The following COQ6 variants were observed in gnomAD, a reference collection of about 807,000 sequenced individuals.
COQ6 encodes the protein coenzyme Q6, monooxygenase.
A neutral mutation model predicts 55.5 loss-of-function variants in COQ6; 45 were observed. The ratio of observed to expected loss-of-function variants is 0.81; its 90% CI spans 0.64 to 1.04. The LOEUF is 1.04. COQ6 is among the 50% of genes least tolerant of loss of function. The pLI is 0.00. For missense variants in COQ6, 550 were observed against 601.3 expected (o/e 0.91, Z 0.89); for synonymous variants, 206 against 230.5 (o/e 0.89, Z 0.96).
In COQ6 at chr14:73,955,821, C is replaced by G; in HGVS notation, c.374C>G (p.Ser125Ter). The G allele has an allele frequency of 6.2e-7, 1 of 1,614,112 alleles. No homozygotes were observed. The highest frequency in any genetic ancestry group is 8.5e-7 in the Non-Finnish European group (1 of 1,180,004). ...TGTTTCCAGGTGTGGGACGCCTGCTCAGAGGCCCTGATAATGTTTGATAAG... is the reference window on the plus strand; with the variant it reads ...TGTTTCCAGGTGTGGGACGCCTGCTGAGAGGCCCTGATAATGTTTGATAAG... The part of the protein sequence containing the change: ...FRRMQVWDAC[S>*]EALIMFDKDN... The change falls in exon 4 of 12, where the codon TCA (serine) becomes TGA (stop). Residue 125 changes from serine (S) to a stop codon, truncating the protein, a stop_gained. Transcript: ENST00000334571. LOFTEE classifies it high-confidence loss of function.
chr14:73,955,438 C>G lies in COQ6; in HGVS notation c.299-13C>G, dbSNP rs767343318. The stretch of plus-strand genomic sequence containing the variant: ...GTGAAGTCACTCTGGTCTATAGATC[C>G]TTTCTTTTGTAGGTTTTGGTGCCTG... On this transcript the variant is annotated splice_polypyrimidine_tract_variant and intron_variant, in intron 2 of 11. Transcript: ENST00000334571. 1 of 1,613,078 alleles carries G rather than the reference C, an allele frequency of 6.2e-7. No homozygotes were observed. The highest frequency in any genetic ancestry group is 2.2e-5 in the East Asian group (1 of 44,884).
In COQ6 at chr14:73,959,115, T is replaced by C. The variant is rs780172595; in HGVS notation, c.720+37T>C. On this transcript the variant is annotated intron_variant, in intron 6 of 11. Transcript: ENST00000334571. Reference sequence around the variant, plus strand: ...AGCTGCCATCTGGGGACTTTATTCATAGGCACTAGGTACTTCACAGAGAAA... The same window carrying C: ...AGCTGCCATCTGGGGACTTTATTCACAGGCACTAGGTACTTCACAGAGAAA... 6.2e-6 allele frequency: 10 copies of C among 1,614,048 alleles called. No homozygotes were observed. The East Asian group carries it at 1.1e-4, about 18-fold the overall frequency.
chr14:73,952,842 AT>A (rs1487183846), intron 1 of COQ6, among the ~76,000 whole-genome samples: 1 of 151,604 alleles, frequency 6.6e-6, no homozygotes, highest in Non-Finnish European at 1.5e-5. Flanking sequence ...CACCTGGCTA[AT>A]TTTTTTGTAT....
intron 5 of COQ6, 199 bp from the exon 6 acceptor site, chr14:73,958,771 TC>T: frequency 6.7e-7 from 1 of 1,484,572 alleles, no homozygotes; most frequent in Non-Finnish European, 8.9e-7. Context: ...TTCAGTCATG[TC>T]CAGCTTTGGC....
chr14:73,961,883 A>T lies in COQ6; in HGVS notation c.1357A>T (p.Asn453Tyr). 1 of 1,614,126 alleles carries T rather than the reference A, an allele frequency of 6.2e-7. No individual in the cohort carries two copies. Among genetic ancestry groups the T allele is most frequent in the Non-Finnish European group, 8.5e-7 (1 of 1,180,012 alleles). The change falls in exon 11 of 12, where the codon AAT becomes TAT. Residue 453 changes from asparagine (N) to tyrosine (Y), a missense_variant. By Grantham distance (143) the Asn-to-Tyr change is moderately radical (BLOSUM62 -2). Coordinates refer to ENST00000334571, the MANE Select transcript of COQ6 (RefSeq NM_182476.3). Reference protein sequence around the residue: ...LLRTWGLQATNAVSPLKEQIM... With the variant: ...LLRTWGLQATYAVSPLKEQIM... ...CAGGACGTGGGGCTTGCAGGCCACA[A>T]ATGCAGTGTCTCCACTCAAAGTAAG...
intron 11 of COQ6, 123 bp from the exon 12 acceptor site, chr14:73,962,847 C>A: frequency 1.2e-6 from 1 of 830,064 alleles, no homozygotes; most frequent in Non-Finnish European, 2.0e-6. Flanking sequence ...GTATATTTTT[C>A]TTTTTTTAGC....
At chr14:73,958,073 T>G in intron 4 of COQ6, 74 bp from the exon 5 acceptor site, 3 of 1,229,236 alleles carry the variant, frequency 2.4e-6, no homozygotes, top group Non-Finnish European at 3.6e-6. Context: ...TTGCTTTAGG[T>G]TTAGTTATGG....
intron 2 of COQ6, among the ~76,000 whole-genome samples, chr14:73,954,640 G>A (rs1376026751): frequency 1.3e-5 from 2 of 151,840 alleles, no homozygotes; most frequent in African/African-American, 4.8e-5. Flanking sequence ...TCAGGCGATC[G>A]AGATCATCCT....
chr14:73,950,225 G>A (rs1363610974), upstream of COQ6: 2 of 1,539,554 alleles, frequency 1.3e-6, no homozygotes, highest in African/African-American at 2.7e-5. Context: ...TTTTATTTCC[G>A]GTTCTGAGGA....
At chr14:73,957,777 C>G (rs140708450) in intron 4 of COQ6, among the ~76,000 whole-genome samples, 41 of 152,248 alleles carry the variant, frequency 2.7e-4, no homozygotes, top group African/African-American at 9.6e-4. Flanking sequence ...TGATTTCCAG[C>G]TGGAAGAAAA....
At position 73,962,012 on chromosome 14, in the gene COQ6, A is replaced by G. The variant is rs372815503; in HGVS notation, c.1377+109A>G. On this transcript the variant is annotated intron_variant, in intron 11 of 11. Coordinates refer to ENST00000334571, the MANE Select transcript of COQ6 (RefSeq NM_182476.3). ...GCCCAGGATGGAGTGCAGTGGCACAATTTCCACTCACTGCAGCCTCTGCCT... is the reference window on the plus strand; with the variant it reads ...GCCCAGGATGGAGTGCAGTGGCACAGTTTCCACTCACTGCAGCCTCTGCCT... The G allele has an allele frequency of 1.1e-4, 145 of 1,272,830 alleles. 2 individuals are homozygous for G. In the South Asian group the frequency reaches 1.3e-3, roughly 12 times the overall value. 78.8% of individuals were successfully genotyped at this position (1,272,830 alleles called of 1,614,324 possible). A position where few individuals can be genotyped will look rare whatever the true frequency, so the allele number is the denominator to read the frequency against.
chr14:73,956,024 C>T (rs972177825), intron 4 of COQ6, 96 bp downstream of exon 4: 32 of 1,566,020 alleles, frequency 2.0e-5, no homozygotes, highest in African/African-American at 4.0e-5. Flanking sequence ...CAGTGTCCAC[C>T]ATAAAGAAAT....
intron 2 of COQ6, chr14:73,955,185 T>A: frequency 2.0e-6 from 1 of 493,880 alleles, no homozygotes; most frequent in Non-Finnish European, 3.7e-6. Flanking sequence ...TATCTCCTGA[T>A]CTCGTGATCC....
rs2056712381 is a variant in COQ6 at position 73,961,207 on chromosome 14, C to T, written c.926C>T (p.Thr309Ile). 2 of 1,614,034 alleles carry T rather than the reference C, an allele frequency of 1.2e-6. No homozygotes were observed. The highest frequency in any genetic ancestry group is 2.2e-5 in the South Asian group (2 of 91,020). ...SDADHTDFIDTAGAMLQYAVS... is the reference protein window; with the variant it reads ...SDADHTDFIDIAGAMLQYAVS... ...GCTGACCACACGGACTTCATCGACA[C>T]AGCTGGTGCCATGCTGCAGTATGCT... Residue 309 changes from threonine to isoleucine, a missense_variant, in exon 9 of 12, where the codon ACA becomes ATA. Thr to Ile is a moderately conservative substitution (Grantham distance 89). Coordinates refer to ENST00000334571, the MANE Select transcript of COQ6 (RefSeq NM_182476.3).
chr14:73,951,631 T>C (rs2056196480), intron 1 of COQ6, among the ~76,000 whole-genome samples: 1 of 145,416 alleles, frequency 6.9e-6, no homozygotes, highest in Non-Finnish European at 1.5e-5. Flanking sequence ...TGGCCCATTA[T>C]GAGATTTTTT....
chr14:73,957,748 T>A (rs2056510970), intron 4 of COQ6, among the ~76,000 whole-genome samples: 1 of 152,332 alleles, frequency 6.6e-6, no homozygotes, highest in Middle Eastern at 3.4e-3. Flanking sequence ...GTATTGTTTT[T>A]ATGACCAGAA....
intron 1 of COQ6, among the ~76,000 whole-genome samples, chr14:73,951,614 C>T (rs2056196008): frequency 6.6e-6 from 1 of 151,602 alleles, no homozygotes; most frequent in African/African-American, 2.4e-5. Flanking sequence ...GCATGAATCA[C>T]CATGCTTGGC....
intron 5 of COQ6, 125 bp downstream of exon 5, chr14:73,958,402 C>G: frequency 6.5e-7 from 1 of 1,541,142 alleles, no homozygotes; most frequent in South Asian, 1.2e-5. Context: ...TTATGAGGAC[C>G]AGTACCTATT....
At chr14:73,961,129 T>C (rs1231772977) in intron 8 of COQ6, 44 bp from the exon 9 acceptor site, 5 of 1,594,924 alleles carry the variant, frequency 3.1e-6, no homozygotes, top group Non-Finnish European at 4.3e-6. Flanking sequence ...AATTCCCTGC[T>C]ACTCACATTT....
Sources: allele counts gnomAD v4.1 joint callset (sites outside exome capture counted in the v4.1 genomes callset), GRCh38; gene constraint gnomAD v4.1.1; transcripts MANE v1.5; gene names NCBI Gene and HGNC (gene_info 2026-07-23, HGNC 2026-07-21).